Variants in GREB1 observed in about 807,000 individuals in gnomAD.
GREB1 encodes protein GREB1.
A neutral mutation model predicts 200.7 loss-of-function variants in GREB1; 106 were observed. That is an observed-to-expected ratio of 0.53 (90% CI 0.45 to 0.62). The LOEUF (loss-of-function observed/expected upper bound fraction) is 0.62. Ranked by LOEUF, GREB1 falls within the 20% of genes least tolerant of loss-of-function variation. The pLI, the probability that GREB1 is intolerant of heterozygous loss-of-function variation, is 0.00. For missense variants in GREB1, 2,243 were observed against 2,556.8 expected (o/e 0.88, Z 2.65); for synonymous variants, 1,132 against 1,092.4 (o/e 1.04, Z -0.72).
chr2:11,541,442 T>G (rs4669744), intron 1 of GREB1, among the ~76,000 whole-genome samples: 1 of 151,060 alleles, frequency 6.6e-6, no homozygotes, highest in Non-Finnish European at 1.5e-5. Context: ...GGATGGCAAG[T>G]GAGAGGGGGG....
chr2:11,598,530 T>C lies in GREB1; in HGVS notation c.2153-150T>C, dbSNP rs1043745468. 14 of 722,692 alleles carry C rather than the reference T, an allele frequency of 1.9e-5. No homozygotes were observed. The East Asian group carries it at 3.5e-4, about 18-fold the overall frequency. The allele number at this position is 722,692 out of a possible 1,614,324, so 44.8% of individuals were successfully genotyped here. On this transcript the variant is annotated intron_variant, in intron 14 of 32. Transcript: ENST00000381486. Reference sequence around the variant, plus strand: ...GACAGTTATGCAGCTGTAACCTGTGTGGGAGTTTTTTCCCTTCCTTTCCCT... The same window carrying C: ...GACAGTTATGCAGCTGTAACCTGTGCGGGAGTTTTTTCCCTTCCTTTCCCT...
chr2:11,571,572 C>A (rs980158975), intron 4 of GREB1, among the ~76,000 whole-genome samples: 10 of 152,194 alleles, frequency 6.6e-5, no homozygotes, highest in Non-Finnish European at 1.5e-4. Flanking sequence ...GAAAATGCTG[C>A]CCAAATTTGA....
At position 11,610,707 on chromosome 2, in the gene GREB1, G is replaced by A. The variant is rs367735341; in HGVS notation, c.2686G>A (p.Ala896Thr). ...TTGCAGGTTCCCCCGCCTGCACAGC[G>A]CGGTGATCAGGACCTTTGTTCTCGT... ...LGKRFPRLHS[A>T]VIRTFVLVQH... The change falls in exon 18 of 33, where the codon GCG becomes ACG. Residue 896 changes from alanine to threonine, a missense_variant. Coordinates refer to ENST00000381486, the MANE Select transcript of GREB1 (RefSeq NM_014668.4). The A allele has an allele frequency of 3.5e-5, 57 of 1,612,684 alleles. No individual in the cohort carries two copies. The highest frequency in any genetic ancestry group is 1.6e-4 in the South Asian group (15 of 91,052).
At chr2:11,560,808 A>G (rs1191065260) in intron 2 of GREB1, among the ~76,000 whole-genome samples, 1 of 152,236 alleles carries the variant, frequency 6.6e-6, no homozygotes, top group Non-Finnish European at 1.5e-5. Flanking sequence ...TATTTATTAA[A>G]TGACATTTAA....
chr2:11,486,652 G>C (rs1047678499), intron 1 of GREB1, among the ~76,000 whole-genome samples: 3 of 152,114 alleles, frequency 2.0e-5, no homozygotes, highest in African/African-American at 7.2e-5. Flanking sequence ...TGGGTCACCT[G>C]AGGCCAGGAG....
At chr2:11,529,846 A>G (rs2148487970), upstream of GREB1, among the ~76,000 whole-genome samples, 1 of 152,384 alleles carries the variant, frequency 6.6e-6, no homozygotes, top group East Asian at 1.9e-4. Context: ...AAATTCATAC[A>G]GCATGAGCCC....
chr2:11,602,749 G>C (rs980671837), intron 17 of GREB1, among the ~76,000 whole-genome samples: 1 of 152,130 alleles, frequency 6.6e-6, no homozygotes, highest in Non-Finnish European at 1.5e-5. Flanking sequence ...TGTTGCTCTA[G>C]AAAATTTTAG....
intron 1 of GREB1, among the ~76,000 whole-genome samples, chr2:11,528,618 C>T (rs563126523): frequency 3.3e-5 from 5 of 152,198 alleles, no homozygotes; most frequent in Non-Finnish European, 7.3e-5. Context: ...CCTCCTGCCT[C>T]AGCCTCCCAA....
At chr2:11,605,144 CTTTTTTTTTTTTT>C (rs3035991) in intron 17 of GREB1, among the ~76,000 whole-genome samples, 6,491 of 45,070 alleles carry the variant, frequency 0.14, 653 homozygotes, top group African/African-American at 0.31. Context: ...GAGCCTGCTT[CTTTTTTTTTTTTT>C]TTTTTTTTTT....
In GREB1 at chr2:11,640,465, G is replaced by A. The variant is rs770784463; in HGVS notation, c.*11G>A. ...GGACGACACATCTGAGGAAGACAGCGGCGAGTTTTCTGAAGAGATGAGTGC... is the reference window on the plus strand; with the variant it reads ...GGACGACACATCTGAGGAAGACAGCAGCGAGTTTTCTGAAGAGATGAGTGC... On this transcript the variant is annotated 3_prime_UTR_variant, in exon 33 of 33. Coordinates refer to ENST00000381486, the MANE Select transcript of GREB1 (RefSeq NM_014668.4). This position sits in a 1 kb window ranked among gnomAD's most constrained non-coding sequence, Gnocchi z 4.6. 19 of 1,613,644 alleles carry A rather than the reference G, an allele frequency of 1.2e-5. No homozygotes were observed. Among genetic ancestry groups the A allele is most frequent in the East Asian group, 2.2e-5 (1 of 44,876 alleles).
chr2:11,507,242 C>T (rs965332406), intron 1 of GREB1, among the ~76,000 whole-genome samples: 1 of 152,084 alleles, frequency 6.6e-6, no homozygotes, highest in Non-Finnish European at 1.5e-5. Flanking sequence ...AACCCCATCT[C>T]TACTAAAAAT....
In GREB1 at chr2:11,507,998, A is replaced by G. The variant is rs114605229; in HGVS notation, c.-159+25617A>G. ...ATTGAGGAAATTATCCCAGGAGGGA[A>G]TTATATGCCAAAAAACATAAAGCCA... On this transcript the variant is annotated intron_variant, in intron 1 of 2. Coordinates refer to the GREB1 transcript ENST00000628795. Among the ~76,000 whole-genome samples, 870 of 152,362 alleles carry G rather than the reference A, an allele frequency of 5.7e-3. 12 individuals are homozygous for G. Among genetic ancestry groups the G allele is most frequent in the African/African-American group, 0.019 (799 of 41,582 alleles).
rs1673913608 is a variant in GREB1 at position 11,527,430 on chromosome 2, A to G, written c.-158-29027A>G. Among the ~76,000 whole-genome samples the G allele has an allele frequency of 3.3e-5, 5 of 152,242 alleles. No homozygotes were observed. In the South Asian group the frequency reaches 1.0e-3, roughly 32 times the overall value. On this transcript the variant is annotated intron_variant, in intron 1 of 2. Coordinates refer to the GREB1 transcript ENST00000628795. ...CCAATTCCATATGGCTGTTTTCTGTAATGGTTTCAGAAAATAACCAAGGTA... is the reference window on the plus strand; with the variant it reads ...CCAATTCCATATGGCTGTTTTCTGTGATGGTTTCAGAAAATAACCAAGGTA...
intron 1 of GREB1, among the ~76,000 whole-genome samples, chr2:11,489,171 G>A (rs374680621): frequency 6.6e-6 from 1 of 152,138 alleles, no homozygotes. Context: ...ACTTTGGGCC[G>A]GCCGGGCACA....
chr2:11,596,073 G>T, intron 12 of GREB1, 38 bp from the exon 13 acceptor site: 1 of 1,591,566 alleles, frequency 6.3e-7, no homozygotes, highest in South Asian at 1.1e-5. Flanking sequence ...GAATTTCACT[G>T]ACATCAAAAA....
intron 21 of GREB1, among the ~76,000 whole-genome samples, chr2:11,617,675 G>C (rs1327741016): frequency 1.3e-5 from 2 of 152,198 alleles, no homozygotes; most frequent in East Asian, 3.9e-4. Flanking sequence ...GAGACGTGCA[G>C]GGCCTGGGTG....
intron 1 of GREB1, among the ~76,000 whole-genome samples, chr2:11,551,960 A>G (rs192717721): frequency 1.7e-4 from 26 of 152,322 alleles, no homozygotes; most frequent in Admixed American, 1.4e-3. Flanking sequence ...TTTTCCTGTG[A>G]ATGCTCAGAT....
chr2:11,631,522 G>T (rs570745727), intron 26 of GREB1, among the ~76,000 whole-genome samples: 1 of 152,160 alleles, frequency 6.6e-6, no homozygotes. Flanking sequence ...TGGTTCAGCC[G>T]GATGATTTTC....
rs1326438453 is a variant in GREB1 at position 11,556,591 on chromosome 2, A to G, written c.-24A>G. ...CACCGAATCTGAGATGCCATTTTAAACAGAAGACTCCATCCTCTTGAAGAT... is the reference window on the plus strand; with the variant it reads ...CACCGAATCTGAGATGCCATTTTAAGCAGAAGACTCCATCCTCTTGAAGAT... On this transcript the variant is annotated 5_prime_UTR_variant, in exon 2 of 33. Transcript: ENST00000381486. 2.5e-6 allele frequency: 4 copies of G among 1,589,834 alleles called. No homozygotes were observed. The African/African-American group carries it at 4.0e-5, about 16-fold the overall frequency.
Sources: gnomAD v4.1 joint callset for allele counts (sites outside exome capture counted in the v4.1 genomes callset) on GRCh38, gnomAD v4.1.1 for gene constraint, Gnocchi (gnomAD v3.1) non-coding constraint, MANE v1.5 for transcripts, NCBI Gene and HGNC (gene_info 2026-07-23, HGNC 2026-07-21) for gene names.